Variants in PCDHGA8 observed in about 807,000 individuals in gnomAD.
PCDHGA8 encodes the protein protocadherin gamma-A8.
PCDHGA8 carries 45 observed loss-of-function variants against 59.2 expected under a neutral mutation model. The ratio of observed to expected loss-of-function variants is 0.76; its 90% CI spans 0.60 to 0.98. PCDHGA8 has a LOEUF of 0.98. PCDHGA8 is among the 50% of genes least tolerant of loss of function. PCDHGA8 has a pLI of 0.00. For missense variants in PCDHGA8, 1,257 were observed against 1,196.2 expected, an observed-to-expected ratio of 1.05 and a Z score of -0.75; for synonymous variants, 531 against 519.0, an observed-to-expected ratio of 1.02 and a Z score of -0.32.
Position 141,489,624 on chromosome 5 carries a change from C to T in PCDHGA8, c.2425-5183C>T. 1 of 1,614,088 alleles carries T rather than the reference C, an allele frequency of 6.2e-7. No homozygotes were observed. On this transcript the variant is annotated intron_variant, in intron 1 of 3. Transcript: ENST00000398604. The surrounding 1 kb of genome is among the most constrained non-coding windows in gnomAD (Gnocchi z 4.5). Reference sequence around the variant, plus strand: ...AGGTAGAGATCCTGGATCTCAATGACAACTCTCCTAGCTTTGCCACCCCTG... The same window carrying T: ...AGGTAGAGATCCTGGATCTCAATGATAACTCTCCTAGCTTTGCCACCCCTG...
intron 1 of PCDHGA8, chr5:141,396,092 A>G (rs1589275874): frequency 6.6e-6 from 1 of 152,314 alleles, no homozygotes; most frequent in East Asian, 1.9e-4. Context: ...AAGTGGTGAG[A>G]ATGTTGATAT....
Position 141,486,799 on chromosome 5 carries a change from C to A in PCDHGA8, c.2425-8008C>A. The A allele has an allele frequency of 6.2e-7, 1 of 1,614,220 alleles. No individual in the cohort carries two copies. Among genetic ancestry groups the A allele is most frequent in the African/African-American group, 1.3e-5 (1 of 75,060 alleles). ...AGGTGCAGGCCCGGGATCGGGGCAA[C>A]CCACCCCTTAGCAGCACTGTAACAG... On this transcript the variant is annotated intron_variant, in intron 1 of 3. Coordinates refer to ENST00000398604, the MANE Select transcript of PCDHGA8 (RefSeq NM_032088.2). This position sits in a 1 kb window ranked among gnomAD's most constrained non-coding sequence, Gnocchi z 5.0.
intron 1 of PCDHGA8, chr5:141,441,037 A>G (rs1318122240): frequency 6.6e-6 from 1 of 152,194 alleles, no homozygotes; most frequent in Admixed American, 6.5e-5. Context: ...GAAAACTTTA[A>G]GTACATTGGA....
chr5:141,414,767 AGCTACAGAT>A, intron 1 of PCDHGA8: 2 of 1,614,190 alleles, frequency 1.2e-6, no homozygotes, highest in Middle Eastern at 1.6e-4. Flanking sequence ...CAGTTTCATG[AGCTACAGAT>A]GCAGGTGACA....
chr5:141,498,672 C>T (rs1034911993), intron 2 of PCDHGA8, among the ~76,000 whole-genome samples: 3 of 152,218 alleles, frequency 2.0e-5, no homozygotes, highest in South Asian at 4.1e-4. Context: ...TGGCTCACGC[C>T]TGTAATCCCA....
At chr5:141,428,095 A>G (rs1361784967) in intron 1 of PCDHGA8, 1 of 1,608,848 alleles carries the variant, frequency 6.2e-7, no homozygotes, top group East Asian at 2.2e-5. Flanking sequence ...TGGCTGTCCT[A>G]CCACGTGCTG....
At chr5:141,426,678 T>C (rs2096951425) in intron 1 of PCDHGA8, 2 of 431,490 alleles carry the variant, frequency 4.6e-6, no homozygotes, top group Admixed American at 5.1e-5. Flanking sequence ...CCCACCTCAT[T>C]TTCCCCAAAA....
At position 141,486,579 on chromosome 5, in the gene PCDHGA8, G is replaced by A. The variant is rs747583158; in HGVS notation, c.2425-8228G>A. On this transcript the variant is annotated intron_variant, in intron 1 of 3. Coordinates refer to ENST00000398604, the MANE Select transcript of PCDHGA8 (RefSeq NM_032088.2). The surrounding 1 kb of genome is among the most constrained non-coding windows in gnomAD (Gnocchi z 5.0). ...GAGGTGTTTGTTCCTGAGAACAATC[G>A]CCCAGGGGACCTGCTTTGCTCCCTT... is the stretch of plus-strand genomic sequence containing the variant. The A allele has an allele frequency of 5.1e-5, 82 of 1,613,426 alleles. No homozygotes were observed. Among genetic ancestry groups the A allele is most frequent in the South Asian group, 2.2e-4 (20 of 91,084 alleles).
intron 1 of PCDHGA8, chr5:141,399,667 C>T (rs752195462): frequency 1.2e-6 from 2 of 1,613,634 alleles, no homozygotes; most frequent in Non-Finnish European, 8.5e-7. Context: ...GTTCGCGCAG[C>T]GCGCCTTTGA....
chr5:141,441,162 G>A (rs1009205566), intron 1 of PCDHGA8: 48 of 152,166 alleles, frequency 3.2e-4, no homozygotes, highest in Admixed American at 1.5e-3. Flanking sequence ...TCCTAGAGGC[G>A]ATTTTTACTT....
chr5:141,404,387 C>A, intron 1 of PCDHGA8: 1 of 1,613,874 alleles, frequency 6.2e-7, no homozygotes, highest in Non-Finnish European at 8.5e-7. Context: ...TGCCTATGAC[C>A]CTGATAGCAA....
intron 1 of PCDHGA8, chr5:141,478,233 TG>T (rs1467423955): frequency 3.7e-6 from 6 of 1,614,126 alleles, no homozygotes; most frequent in Non-Finnish European, 5.1e-6. Flanking sequence ...GTGGGGTTTG[TG>T]GTCACAGTGT....
intron 1 of PCDHGA8, among the ~76,000 whole-genome samples, chr5:141,461,782 TAG>T (rs2099022757): frequency 6.6e-6 from 1 of 152,086 alleles, no homozygotes; most frequent in South Asian, 2.1e-4. Context: ...GCCTCCCAAG[TAG>T]CTGGGATTAC....
intron 1 of PCDHGA8, chr5:141,420,098 A>G: frequency 6.2e-7 from 1 of 1,614,034 alleles, no homozygotes; most frequent in African/African-American, 1.3e-5. Flanking sequence ...CAGTGAGGGA[A>G]CGTTGCCCTA....
At position 141,490,475 on chromosome 5, in the gene PCDHGA8, T is replaced by C. The variant is rs769951029; in HGVS notation, c.2425-4332T>C. On this transcript the variant is annotated intron_variant, in intron 1 of 3. Coordinates refer to ENST00000398604, the MANE Select transcript of PCDHGA8 (RefSeq NM_032088.2). This position sits in a 1 kb window ranked among gnomAD's most constrained non-coding sequence, Gnocchi z 5.4. ...TACTCGCTGCTAACCAGCCAGCCTTTGGACCGGGAGGCCACATCCCACTAT... is the reference window on the plus strand; with the variant it reads ...TACTCGCTGCTAACCAGCCAGCCTTCGGACCGGGAGGCCACATCCCACTAT... The C allele has an allele frequency of 3.7e-6, 6 of 1,614,240 alleles. No individual in the cohort carries two copies. The highest frequency in any genetic ancestry group is 5.1e-6 in the Non-Finnish European group (6 of 1,180,038).
At chr5:141,398,284 G>A (rs1462851627) in intron 1 of PCDHGA8, 1 of 1,400,106 alleles carries the variant, frequency 7.1e-7, no homozygotes, top group Non-Finnish European at 9.8e-7. Flanking sequence ...CCTCGCCACG[G>A]ACCTGGGGTT....
chr5:141,419,447 C>T (rs754931078), intron 1 of PCDHGA8: 8 of 1,613,016 alleles, frequency 5.0e-6, no homozygotes, highest in Non-Finnish European at 4.2e-6. Flanking sequence ...CACCTTCGAG[C>T]TCACGCTGCA....
At position 141,487,641 on chromosome 5, in the gene PCDHGA8, T is replaced by C. The variant is rs1343702532; in HGVS notation, c.2425-7166T>C. The stretch of plus-strand genomic sequence containing the variant: ...GTGAGACCTTTGCAGGCTCAACAAA[T>C]GCTTGAGGGTTATTCTGATCCAGGC... On this transcript the variant is annotated intron_variant, in intron 1 of 3. Coordinates refer to ENST00000398604, the MANE Select transcript of PCDHGA8 (RefSeq NM_032088.2). The surrounding 1 kb of genome is among the most constrained non-coding windows in gnomAD (Gnocchi z 5.0). The C allele has an allele frequency of 6.2e-7, 1 of 1,614,122 alleles. No individual in the cohort carries two copies. Among genetic ancestry groups the C allele is most frequent in the Non-Finnish European group, 8.5e-7 (1 of 1,179,998 alleles).
chr5:141,493,330 A>G lies in PCDHGA8; in HGVS notation c.2425-1477A>G, dbSNP rs979607147. 6.6e-6 allele frequency among the ~76,000 whole-genome samples: 1 copy of G among 152,182 alleles called. No homozygotes were observed. Among genetic ancestry groups the G allele is most frequent in the Non-Finnish European group, 1.5e-5 (1 of 68,020 alleles). On this transcript the variant is annotated intron_variant, in intron 1 of 3. Coordinates refer to ENST00000398604, the MANE Select transcript of PCDHGA8 (RefSeq NM_032088.2). The surrounding 1 kb of genome is among the most constrained non-coding windows in gnomAD (Gnocchi z 4.3). ...GTAAGAGAGATTCTAACCCCTGTCT[A>G]ACTCCAGAATGTGTGCTTTTAATTT... is the stretch of plus-strand genomic sequence containing the variant.
Sources: gnomAD v4.1 joint callset for allele counts (sites outside exome capture counted in the v4.1 genomes callset) on GRCh38, gnomAD v4.1.1 for gene constraint, Gnocchi (gnomAD v3.1) non-coding constraint, MANE v1.5 for transcripts, NCBI Gene and HGNC (gene_info 2026-07-23, HGNC 2026-07-21) for gene names.